The following AFG2A variants were observed in gnomAD, a reference collection of about 807,000 sequenced individuals.
AFG2A encodes the protein ATPase family gene 2 protein homolog A.
the AFG2A span, among the ~76,000 whole-genome samples, chr4:123,243,047 A>T: frequency 1.3e-5 from 2 of 152,218 alleles, no homozygotes; most frequent in Non-Finnish European, 2.9e-5. Flanking sequence ...CCACAATGAG[A>T]TACCATCTCA....
the AFG2A span, chr4:122,938,182 G>A: frequency 6.2e-7 from 1 of 1,609,512 alleles, no homozygotes; most frequent in East Asian, 2.2e-5. Flanking sequence ...AAAAGAGAGG[G>A]GGCCCAGAAT....
the AFG2A span, among the ~76,000 whole-genome samples, chr4:123,242,833 T>A: frequency 6.6e-6 from 1 of 151,500 alleles, no homozygotes; most frequent in African/African-American, 2.4e-5. Flanking sequence ...GGGGAGAAAA[T>A]TTTTGCAATC....
At chr4:123,125,848 T>A in the AFG2A span, among the ~76,000 whole-genome samples, 1 of 152,228 alleles carries the variant, frequency 6.6e-6, no homozygotes, top group East Asian at 1.9e-4. Context: ...ATTTCTTTTT[T>A]CTGCTCTATT....
chr4:123,173,500 C>T, the AFG2A span, among the ~76,000 whole-genome samples: 6 of 151,726 alleles, frequency 4.0e-5, no homozygotes, highest in East Asian at 1.9e-4. Context: ...GGCTTACAGG[C>T]GCCCACCACC....
chr4:122,992,133 T>C, the AFG2A span, among the ~76,000 whole-genome samples: 2 of 152,224 alleles, frequency 1.3e-5, no homozygotes, highest in Non-Finnish European at 2.9e-5. Flanking sequence ...GGAATGTGTT[T>C]AAACAGCATC....
At chr4:123,016,250 C>T in the AFG2A span, among the ~76,000 whole-genome samples, 26 of 146,908 alleles carry the variant, frequency 1.8e-4, no homozygotes, top group Admixed American at 5.4e-4. Context: ...GGCGGCTGGC[C>T]GGGCAGAGGG....
At chr4:123,309,601 T>C in the AFG2A span, among the ~76,000 whole-genome samples, 1 of 152,158 alleles carries the variant, frequency 6.6e-6, no homozygotes, top group Admixed American at 6.5e-5. Context: ...GTAAAACCTT[T>C]AAAATTCTAT....
the AFG2A span, among the ~76,000 whole-genome samples, chr4:123,235,848 T>C: frequency 6.6e-6 from 1 of 152,328 alleles, no homozygotes; most frequent in East Asian, 1.9e-4. Context: ...GTTATAAATA[T>C]TGTTACCTCC....
At chr4:123,011,198 T>G in the AFG2A span, among the ~76,000 whole-genome samples, 1 of 152,254 alleles carries the variant, frequency 6.6e-6, no homozygotes, top group East Asian at 1.9e-4. Context: ...CTTTTAAAGT[T>G]TGCTTATATG....
the AFG2A span, among the ~76,000 whole-genome samples, chr4:123,157,767 C>G: frequency 6.6e-6 from 1 of 152,134 alleles, no homozygotes; most frequent in Non-Finnish European, 1.5e-5. Flanking sequence ...AAAAACATAG[C>G]TTTCTATGTC....
chr4:123,042,495 CA>C, the AFG2A span, among the ~76,000 whole-genome samples: 1 of 152,130 alleles, frequency 6.6e-6, no homozygotes, highest in Non-Finnish European at 1.5e-5. Context: ...TTGGGAGGGA[CA>C]AATTTGGTCC....
chr4:122,982,954 G>A, the AFG2A span, among the ~76,000 whole-genome samples: 9 of 125,898 alleles, frequency 7.1e-5, no homozygotes, highest in African/African-American at 1.8e-4. Flanking sequence ...GGCAACCTCC[G>A]CCTCCTGGGT....
chr4:122,927,138 G>A, the AFG2A span, among the ~76,000 whole-genome samples: 8 of 152,146 alleles, frequency 5.3e-5, no homozygotes, highest in Admixed American at 1.3e-4. Flanking sequence ...GTGTGTGTTC[G>A]TATAAGGAAG....
At chr4:123,237,282 G>A in the AFG2A span, among the ~76,000 whole-genome samples, 5 of 152,250 alleles carry the variant, frequency 3.3e-5, no homozygotes, top group African/African-American at 4.8e-5. Flanking sequence ...CCTACAGAGG[G>A]GGGTACAGTC....
the AFG2A span, among the ~76,000 whole-genome samples, chr4:123,136,019 TTAG>T: frequency 6.6e-6 from 1 of 152,130 alleles, no homozygotes; most frequent in African/African-American, 2.4e-5. Flanking sequence ...AGTAAAACAA[TTAG>T]TAAACAAGGA....
At chr4:123,215,774 C>G in the AFG2A span, among the ~76,000 whole-genome samples, 11 of 152,090 alleles carry the variant, frequency 7.2e-5, no homozygotes, top group Admixed American at 5.9e-4. Flanking sequence ...CTGAATGAAT[C>G]TCTTCAGTAG....
At chr4:123,272,292 C>G in the AFG2A span, among the ~76,000 whole-genome samples, 1 of 152,134 alleles carries the variant, frequency 6.6e-6, no homozygotes, top group Non-Finnish European at 1.5e-5. Flanking sequence ...GTAAACCCCT[C>G]CTTACTAAAT....
At chr4:123,170,859 A>G in the AFG2A span, among the ~76,000 whole-genome samples, 1 of 152,118 alleles carries the variant, frequency 6.6e-6, no homozygotes, top group Non-Finnish European at 1.5e-5. Flanking sequence ...AAAAACCGTT[A>G]GTTTTGTGAC....
chr4:123,193,207 C>T, the AFG2A span, among the ~76,000 whole-genome samples: 1 of 152,136 alleles, frequency 6.6e-6, no homozygotes, highest in South Asian at 2.1e-4. Flanking sequence ...GCTAAATTGC[C>T]TGATAGTGAT....
Sources: gnomAD v4.1 joint callset for allele counts (sites outside exome capture counted in the v4.1 genomes callset) on GRCh38, gnomAD v4.1.1 for gene constraint, MANE v1.5 for transcripts, NCBI Gene and HGNC (gene_info 2026-07-23, HGNC 2026-07-21) for gene names.